TCOF1: variants seen among roughly 807,000 people sequenced by gnomAD.
The protein encoded by TCOF1 is treacle ribosome biogenesis factor 1.
TCOF1 carries 33 observed loss-of-function variants against 149.0 expected under a neutral mutation model. The ratio of observed to expected loss-of-function variants is 0.22; its 90% CI spans 0.17 to 0.30. The LOEUF is 0.30. Among genes scored for constraint, TCOF1 ranks in the 10% least tolerant of loss-of-function variants. TCOF1 has a pLI of 1.00. For missense variants in TCOF1, 1,728 were observed against 1,840.7 expected, an observed-to-expected ratio of 0.94 and a Z score of 1.12; for synonymous variants, 789 against 738.8, an observed-to-expected ratio of 1.07 and a Z score of -1.10.
At chr5:150,368,665 C>A in intron 4 of TCOF1, 51 bp from the exon 5 acceptor site, 1 of 1,607,966 alleles carries the variant, frequency 6.2e-7, no homozygotes, top group Non-Finnish European at 8.5e-7. Flanking sequence ...GGCCTGTGCT[C>A]TTAGTTCACC....
intron 4 of TCOF1, 93 bp from the exon 5 acceptor site, chr5:150,368,623 A>G: frequency 3.4e-6 from 5 of 1,458,368 alleles, no homozygotes; most frequent in Admixed American, 1.7e-5. Context: ...TCACACAGCT[A>G]AGAAGTGGTA....
intron 12 of TCOF1, 75 bp downstream of exon 12, chr5:150,375,984 T>G: frequency 6.2e-7 from 1 of 1,613,842 alleles, no homozygotes; most frequent in South Asian, 1.1e-5. Context: ...GGAGCTGTGC[T>G]CCCTCAGGCA....
chr5:150,388,194 C>A, intron 18 of TCOF1, 106 bp downstream of exon 18: 2 of 1,487,928 alleles, frequency 1.3e-6, no homozygotes, highest in Non-Finnish European at 9.2e-7. Context: ...AGGTGTTGGT[C>A]GGGAGGGGCT....
At chr5:150,367,533 T>A (rs1581062208) in intron 3 of TCOF1, 1 of 399,188 alleles carries the variant, frequency 2.5e-6, no homozygotes, top group East Asian at 5.8e-5. Flanking sequence ...CAGTGCCCAG[T>A]AGGCAGCAAG....
chr5:150,376,017 G>A, intron 12 of TCOF1, 65 bp from the exon 13 acceptor site: 1 of 1,613,326 alleles, frequency 6.2e-7, no homozygotes, highest in South Asian at 1.1e-5. Flanking sequence ...TGGCTGGTGG[G>A]GCAGAACAGA....
intron 21 of TCOF1, chr5:150,392,458 A>AGGGAAATAGAAATGGGGCCTC (rs1767638495): frequency 6.6e-6 from 4 of 609,388 alleles, no homozygotes; most frequent in Non-Finnish European, 1.2e-5. Context: ...AGTGGAAAGC[A>AGGGAAATAGAAATGGGGCCTC]GGGAAATAGA....
At chr5:150,361,092 G>A in intron 1 of TCOF1, 64 bp from the exon 2 acceptor site, 2 of 1,607,224 alleles carry the variant, frequency 1.2e-6, no homozygotes, top group Non-Finnish European at 1.7e-6. Flanking sequence ...GGGGAGATCT[G>A]GGCCCAAGAA....
chr5:150,368,263 C>T (rs980885650), intron 4 of TCOF1: 8 of 371,840 alleles, frequency 2.2e-5, no homozygotes, highest in African/African-American at 8.3e-5. Context: ...GTGGAGGCAC[C>T]GTAGTGATCA....
Position 150,367,865 on chromosome 5 carries a change from A to G in TCOF1, c.326A>G (p.Asn109Ser), listed in dbSNP as rs142477153. 581 of 1,614,078 alleles carry G rather than the reference A, an allele frequency of 3.6e-4. No individual in the cohort carries two copies. The highest frequency in any genetic ancestry group is 4.4e-4 in the Non-Finnish European group (515 of 1,180,014). ...GCAGCCCCAAGACTAGCATCTACCAACTCCTCAGTCCTGGGGGCGGACTTG... is the reference window on the plus strand; with the variant it reads ...GCAGCCCCAAGACTAGCATCTACCAGCTCCTCAGTCCTGGGGGCGGACTTG... ...AKATPRLAST[N>S]SSVLGADLPS... is the part of the protein sequence containing the mutation. The change falls in exon 4 of 27, where the codon AAC becomes AGC. Residue 109 changes from asparagine to serine, a missense_variant. This residue lies in a region of TCOF1 where 1,696 missense variants were observed against 1,765.4 expected (regional missense o/e 0.96). Coordinates refer to ENST00000643257, the MANE Select transcript of TCOF1 (RefSeq NM_001371623.1).
chr5:150,393,239 C>A, intron 22 of TCOF1, 133 bp from the exon 23 acceptor site: 1 of 1,063,040 alleles, frequency 9.4e-7, no homozygotes, highest in Non-Finnish European at 1.4e-6. Context: ...TTGTTGTCCA[C>A]CCACTCTGCA....
intron 1 of TCOF1, 73 bp downstream of exon 1, chr5:150,357,927 G>T (rs1168811400): frequency 1.3e-6 from 2 of 1,489,592 alleles, no homozygotes; most frequent in Non-Finnish European, 1.8e-6. Flanking sequence ...CCCGCGCCCC[G>T]TCCCCAGGCG....
At chr5:150,384,887 C>T (rs1765959693) in intron 17 of TCOF1, 2 of 985,354 alleles carry the variant, frequency 2.0e-6, no homozygotes, top group Non-Finnish European at 2.4e-6. Context: ...TTTATTAGCC[C>T]ATCAGTGGGG....
Position 150,372,453 on chromosome 5 carries a change from G to A in TCOF1, c.870+217G>A, listed in dbSNP as rs1041289914. Among the ~76,000 whole-genome samples, 37 of 152,354 alleles carry A rather than the reference G, an allele frequency of 2.4e-4. 1 individual carries two copies. The highest frequency in any genetic ancestry group is 8.2e-4 in the African/African-American group (34 of 41,582). Reference sequence around the variant, plus strand: ...AGTTTCTCTGCCTAGTAAATGGGCCGCTGTCCTCGTCCCAGCCAGTCCTGC... The same window carrying A: ...AGTTTCTCTGCCTAGTAAATGGGCCACTGTCCTCGTCCCAGCCAGTCCTGC... On this transcript the variant is annotated intron_variant, in intron 7 of 26. Coordinates refer to ENST00000643257, the MANE Select transcript of TCOF1 (RefSeq NM_001371623.1).
intron 3 of TCOF1, among the ~76,000 whole-genome samples, chr5:150,366,639 C>CTTTTTTTTT (rs1204091560): frequency 1.6e-5 from 1 of 64,382 alleles, no homozygotes; most frequent in Non-Finnish European, 2.9e-5. Context: ...CAACATTCTT[C>CTTTTTTTTT]TTTTTTTTTT....
rs548694113 is a variant in TCOF1 at position 150,368,017 on chromosome 5, C to T, written c.378+100C>T. On this transcript the variant is annotated intron_variant, in intron 4 of 26. Coordinates refer to ENST00000643257, the MANE Select transcript of TCOF1 (RefSeq NM_001371623.1). ...AGAAGGATAGGGTTGTGAGTAATTG[C>T]CCCACCTGGATTCAGAGCTCAACCT... 4.5e-6 allele frequency: 6 copies of T among 1,325,354 alleles called. No individual in the cohort carries two copies. In the African/African-American group the frequency reaches 7.2e-5, roughly 16 times the overall value. The allele number at this position is 1,325,354 out of a possible 1,614,324, so 82.1% of individuals were successfully genotyped here. A position where few individuals can be genotyped will look rare whatever the true frequency, so the allele number is the denominator to read the frequency against.
chr5:150,362,400 G>C lies in TCOF1; in HGVS notation c.164+1189G>C, dbSNP rs536955976. ...CATATCCCATGAGGAATGGTAGAGAGTACTGAATTGCCTTGGATGGAAAGG... is the reference window on the plus strand; with the variant it reads ...CATATCCCATGAGGAATGGTAGAGACTACTGAATTGCCTTGGATGGAAAGG... On this transcript the variant is annotated intron_variant, in intron 2 of 26. Coordinates refer to ENST00000643257, the MANE Select transcript of TCOF1 (RefSeq NM_001371623.1). Among the ~76,000 whole-genome samples the C allele has an allele frequency of 3.3e-5, 5 of 152,278 alleles. 1 individual carries two copies. The East Asian group carries it at 9.7e-4, about 29-fold the overall frequency.
intron 17 of TCOF1, 94 bp from the exon 18 acceptor site, chr5:150,387,808 C>G: frequency 1.3e-6 from 2 of 1,565,374 alleles, no homozygotes; most frequent in Non-Finnish European, 1.7e-6. Context: ...CTCAGTGGAC[C>G]CTTTGCCTTG....
At position 150,374,425 on chromosome 5, in the gene TCOF1, G is replaced by A. The variant is rs56113366; in HGVS notation, c.1083+39G>A. The A allele has an allele frequency of 0.069, 107,212 of 1,550,434 alleles. 4,234 individuals carry two copies. The highest frequency in any genetic ancestry group is 0.08 in the Non-Finnish European group (92,174 of 1,146,688). ...AGGGAGACTCCATGCAGCCAGGCCC[G>A]TCCCCAGAAGGCCTTCTCAGGACTT... is the stretch of plus-strand genomic sequence containing the variant. On this transcript the variant is annotated intron_variant, in intron 8 of 26. Coordinates refer to ENST00000643257, the MANE Select transcript of TCOF1 (RefSeq NM_001371623.1).
intron 21 of TCOF1, chr5:150,392,459 G>A: frequency 1.6e-6 from 1 of 610,494 alleles, no homozygotes; most frequent in South Asian, 2.0e-5. Flanking sequence ...GTGGAAAGCA[G>A]GGAAATAGAA....
Sources: gnomAD v4.1 joint callset for allele counts (sites outside exome capture counted in the v4.1 genomes callset) on GRCh38, gnomAD v4.1.1 for gene constraint, gnomAD v4.1.1 regional missense constraint, MANE v1.5 for transcripts, NCBI Gene and HGNC (gene_info 2026-07-23, HGNC 2026-07-21) for gene names.